RBFOX3: variants seen among roughly 807,000 people sequenced by gnomAD.
The protein encoded by RBFOX3 is RNA binding fox-1 homolog 3.
RBFOX3 carries 17 observed loss-of-function variants against 48.7 expected under a neutral mutation model. The observed-to-expected ratio is 0.35, with a 90% CI of 0.24 to 0.52. The LOEUF is 0.52. Ranked by LOEUF, RBFOX3 falls within the 20% of genes least tolerant of loss-of-function variation. RBFOX3 has a pLI of 0.94. For synonymous variants in RBFOX3, 212 were observed against 209.5 expected (o/e 1.01, Z -0.10); for missense variants, 382 against 497.5 (o/e 0.77, Z 2.21).
intron 2 of RBFOX3, among the ~76,000 whole-genome samples, chr17:79,449,152 G>A (rs145957507): frequency 1.1e-3 from 162 of 152,250 alleles, no homozygotes; most frequent in African/African-American, 3.7e-3. Context: ...AACCCCTGAA[G>A]CTGAGAGGTT....
chr17:79,596,045 C>A (rs1262214714), intron 1 of RBFOX3, among the ~76,000 whole-genome samples: 5 of 152,198 alleles, frequency 3.3e-5, no homozygotes, highest in African/African-American at 1.2e-4. Flanking sequence ...TCTTCTAGAG[C>A]AATCCAGAAC....
upstream of RBFOX3, among the ~76,000 whole-genome samples, chr17:79,611,745 C>G (rs2093971494): frequency 6.6e-6 from 1 of 152,202 alleles, no homozygotes; most frequent in African/African-American, 2.4e-5. Flanking sequence ...TCACTAGGCC[C>G]AGGTGCCCTG....
In RBFOX3 at chr17:79,443,796, C is replaced by T. The variant is rs930297391; in HGVS notation, c.-175+38658G>A. Among the ~76,000 whole-genome samples the T allele has an allele frequency of 7.2e-5, 11 of 152,158 alleles. No individual in the cohort carries two copies. Among genetic ancestry groups the T allele is most frequent in the East Asian group, 1.9e-4 (1 of 5,188 alleles). ...CTGTCCCACTGCCTCCCTCGGCCCC[C>T]GACCCTTTATTTGCTGAGCCCCAGA... is the stretch of plus-strand genomic sequence containing the variant. On this transcript the variant is annotated intron_variant, in intron 2 of 14. Transcript: ENST00000693108. This position sits in a 1 kb window ranked among gnomAD's most constrained non-coding sequence, Gnocchi z 4.4.
At position 79,528,833 on chromosome 17, in the gene RBFOX3, C is replaced by T. The variant is rs566051454; in HGVS notation, c.-319-46235G>A. Among the ~76,000 whole-genome samples, 501 of 152,240 alleles carry T rather than the reference C, an allele frequency of 3.3e-3. 7 individuals carry two copies. Among genetic ancestry groups the T allele is most frequent in the African/African-American group, 0.012 (482 of 41,550 alleles). ...AGGGAGCACGGCCCTGCGACACCCT[C>T]CCCTCGCAGGGGATGACCGCCCAGC... is the stretch of plus-strand genomic sequence containing the variant. On this transcript the variant is annotated intron_variant, in intron 1 of 14. Coordinates refer to ENST00000693108, the MANE Select transcript of RBFOX3 (RefSeq NM_001350451.2).
intron 2 of RBFOX3, among the ~76,000 whole-genome samples, chr17:79,308,117 T>C (rs987220969): frequency 6.6e-6 from 1 of 150,832 alleles, no homozygotes; most frequent in Non-Finnish European, 1.5e-5. Context: ...GAGGGGAGAG[T>C]GCCAGCAGGT....
chr17:79,600,598 T>C (rs1431928582), intron 1 of RBFOX3: 1 of 152,170 alleles, frequency 6.6e-6, no homozygotes, highest in Non-Finnish European at 1.5e-5. Context: ...CCCCGGGGTC[T>C]TCAGGCTCTG....
At chr17:79,380,538 G>C (rs888190626) in intron 2 of RBFOX3, among the ~76,000 whole-genome samples, 3 of 152,200 alleles carry the variant, frequency 2.0e-5, no homozygotes, top group Non-Finnish European at 4.4e-5. Flanking sequence ...CCTCTTGGAA[G>C]CCTTTCCTAG....
intron 4 of RBFOX3, among the ~76,000 whole-genome samples, chr17:79,218,037 C>T (rs950977133): frequency 5.9e-5 from 9 of 152,020 alleles, no homozygotes; most frequent in Admixed American, 5.2e-4. Flanking sequence ...GGAGGCAGGA[C>T]CCACTCTGGG....
At chr17:79,516,769 C>T (rs902890406) in intron 1 of RBFOX3, among the ~76,000 whole-genome samples, 1 of 152,188 alleles carries the variant, frequency 6.6e-6, no homozygotes, top group African/African-American at 2.4e-5. Flanking sequence ...GACGGACAGA[C>T]GGATGGACGC....
chr17:79,220,244 A>T lies in RBFOX3; in HGVS notation c.-34+15522T>A, dbSNP rs1468902175. 6.6e-6 allele frequency among the ~76,000 whole-genome samples: 1 copy of T among 152,142 alleles called. No homozygotes were observed. Among genetic ancestry groups the T allele is most frequent in the Non-Finnish European group, 1.5e-5 (1 of 68,030 alleles). On this transcript the variant is annotated intron_variant, in intron 4 of 14. Transcript: ENST00000693108. This position sits in a 1 kb window ranked among gnomAD's most constrained non-coding sequence, Gnocchi z 5.9. ...GCAGGCTCCCGGGGAGGAGGGGAGG[A>T]GACCCAATCAGGGAAGCGGCCGCTG...
intron 4 of RBFOX3, among the ~76,000 whole-genome samples, chr17:79,183,765 CCAA>C (rs1235584039): frequency 6.6e-6 from 1 of 152,202 alleles, no homozygotes; most frequent in African/African-American, 2.4e-5. Flanking sequence ...CTGGCGTACT[CCAA>C]CATCAAACGG....
Position 79,479,900 on chromosome 17 carries a change from A to G in RBFOX3, c.-175+2554T>C, listed in dbSNP as rs1055911976. ...ACAGAGCTGCACGCATCTTCTTGGA[A>G]CTAGGCGTCTGAGGTTCCAGAGACA... On this transcript the variant is annotated intron_variant, in intron 2 of 14. Transcript: ENST00000693108. The surrounding 1 kb of genome is among the most constrained non-coding windows in gnomAD (Gnocchi z 5.1). Among the ~76,000 whole-genome samples the G allele has an allele frequency of 5.9e-5, 9 of 152,216 alleles. No homozygotes were observed. The East Asian group carries it at 1.7e-3, about 29-fold the overall frequency.
At chr17:79,568,563 C>T (rs1394713597) in intron 1 of RBFOX3, among the ~76,000 whole-genome samples, 4 of 152,142 alleles carry the variant, frequency 2.6e-5, no homozygotes, top group African/African-American at 9.7e-5. Flanking sequence ...CCCCTGACTC[C>T]CACCACAACT....
intron 5 of RBFOX3, among the ~76,000 whole-genome samples, chr17:79,113,707 G>GCCT (rs1792380243): frequency 6.6e-6 from 1 of 152,172 alleles, no homozygotes. Context: ...ATGGTCTGTG[G>GCCT]CCTCTCACGG....
At chr17:79,241,994 C>T (rs555438761) in intron 3 of RBFOX3, among the ~76,000 whole-genome samples, 2 of 152,226 alleles carry the variant, frequency 1.3e-5, no homozygotes, top group Non-Finnish European at 2.9e-5. Flanking sequence ...GAGTGACCGA[C>T]ATTTAGTGCA....
At chr17:79,541,565 A>G (rs544800377) in intron 1 of RBFOX3, among the ~76,000 whole-genome samples, 25 of 152,316 alleles carry the variant, frequency 1.6e-4, no homozygotes, top group African/African-American at 6.0e-4. Context: ...AGCCAAGAAC[A>G]GCGGAAGGGA....
chr17:79,623,824 A>T, the RBFOX3 span, among the ~76,000 whole-genome samples: 1 of 120,730 alleles, frequency 8.3e-6, no homozygotes, highest in Admixed American at 8.1e-5. Context: ...CTCTGTCTCT[A>T]AAAAAAAAAA....
At chr17:79,344,844 C>T (rs889531984) in intron 2 of RBFOX3, among the ~76,000 whole-genome samples, 1 of 152,164 alleles carries the variant, frequency 6.6e-6, no homozygotes, top group Non-Finnish European at 1.5e-5. Context: ...GCATGAGCCA[C>T]CACGCCCGGC....
chr17:79,629,364 A>C, the RBFOX3 span, among the ~76,000 whole-genome samples: 1 of 152,152 alleles, frequency 6.6e-6, no homozygotes. Flanking sequence ...CTCACAAAAG[A>C]AGACTGAGAA....
Sources: allele counts gnomAD v4.1 joint callset (sites outside exome capture counted in the v4.1 genomes callset), GRCh38; gene constraint gnomAD v4.1.1; non-coding constraint Gnocchi (gnomAD v3.1); transcripts MANE v1.5; gene names NCBI Gene and HGNC (gene_info 2026-07-23, HGNC 2026-07-21).